Variants in PTP4A1 observed in about 807,000 individuals in gnomAD.
PTP4A1 encodes the protein protein tyrosine phosphatase 4A1.
A neutral mutation model predicts 20.5 loss-of-function variants in PTP4A1; 9 were observed. That is an observed-to-expected ratio of 0.44 (90% CI 0.26 to 0.77). PTP4A1 has a LOEUF of 0.77. PTP4A1 is among the 30% of genes least tolerant of loss of function. PTP4A1 has a pLI of 0.19. For synonymous variants in PTP4A1, 78 were observed against 67.4 expected, an observed-to-expected ratio of 1.16 and a Z score of -0.77; for missense variants, 137 against 218.8, an observed-to-expected ratio of 0.63 and a Z score of 2.36.
At chr6:63,541,682 G>A (rs1775979731) in intron 2 of PTP4A1, among the ~76,000 whole-genome samples, 1 of 152,064 alleles carries the variant, frequency 6.6e-6, no homozygotes. Flanking sequence ...CAAGCAATTA[G>A]AAGCAATCAG....
intron 2 of PTP4A1, among the ~76,000 whole-genome samples, chr6:63,542,720 T>C (rs1403289882): frequency 6.6e-6 from 1 of 152,200 alleles, no homozygotes; most frequent in African/African-American, 2.4e-5. Context: ...ACTGCTTTTT[T>C]GAAATCTCCT....
chr6:63,565,766 T>C lies in PTP4A1; in HGVS notation c.-445-10670T>C, dbSNP rs564779134. On this transcript the variant is annotated intron_variant, in intron 3 of 3. Transcript: ENST00000639568. ...TCTAAATTTCCCACAGAAATTAGGA[T>C]GTAGCTCTGCTACAGCATTTTGATT... is the stretch of plus-strand genomic sequence containing the variant. Among the ~76,000 whole-genome samples the C allele has an allele frequency of 1.1e-4, 17 of 152,358 alleles. No individual in the cohort carries two copies. The East Asian group carries it at 3.3e-3, about 29-fold the overall frequency.
Position 63,537,493 on chromosome 6 carries a change from C to T in PTP4A1, c.-640+9409C>T, listed in dbSNP as rs145720747. ...GTTTTGGCATCAATATGGTTCTCAA[C>T]GCTCCCAGTAGAGAACCATTGCCTT... On this transcript the variant is annotated intron_variant, in intron 2 of 3. Transcript: ENST00000639568. 1.4e-3 allele frequency among the ~76,000 whole-genome samples: 216 copies of T among 152,296 alleles called. 1 individual carries two copies. The highest frequency in any genetic ancestry group is 4.5e-3 in the African/African-American group (188 of 41,554).
upstream of PTP4A1, among the ~76,000 whole-genome samples, chr6:63,517,285 G>A (rs1482726616): frequency 6.6e-6 from 1 of 152,092 alleles, no homozygotes; most frequent in Non-Finnish European, 1.5e-5. Context: ...TTTCTCCTGA[G>A]AAGCAATTTT....
chr6:63,520,929 T>G (rs1035150703), upstream of PTP4A1, among the ~76,000 whole-genome samples: 3 of 152,140 alleles, frequency 2.0e-5, no homozygotes, highest in African/African-American at 7.2e-5. Flanking sequence ...TCATGTCCTT[T>G]GCAGGGACAT....
At chr6:63,521,326 G>A (rs1246309742), upstream of PTP4A1, among the ~76,000 whole-genome samples, 2 of 152,130 alleles carry the variant, frequency 1.3e-5, no homozygotes, top group East Asian at 3.8e-4. Flanking sequence ...TCGTATTCTA[G>A]CATAAAGTGA....
chr6:63,549,464 G>T, intron 2 of PTP4A1: 1 of 792,626 alleles, frequency 1.3e-6, no homozygotes, highest in East Asian at 2.5e-5. Flanking sequence ...ACGACAGCAG[G>T]GCCGGAGCCA....
chr6:63,554,614 A>G (rs1323129532), intron 3 of PTP4A1, among the ~76,000 whole-genome samples: 2 of 152,154 alleles, frequency 1.3e-5, no homozygotes, highest in Non-Finnish European at 2.9e-5. Context: ...CCTGGCCAAC[A>G]TGGTGAAACC....
At chr6:63,556,572 A>G (rs935490151) in intron 3 of PTP4A1, among the ~76,000 whole-genome samples, 5 of 152,156 alleles carry the variant, frequency 3.3e-5, no homozygotes, top group African/African-American at 1.2e-4. Flanking sequence ...TATGCCTCAT[A>G]ATGCATAATG....
At chr6:63,579,475 C>T in intron 5 of PTP4A1, 144 bp downstream of exon 5, 1 of 565,804 alleles carries the variant, frequency 1.8e-6, no homozygotes, top group Non-Finnish European at 2.9e-6. Flanking sequence ...ATCTTACATT[C>T]TTTTTTGCAT....
At chr6:63,558,339 A>C (rs949941697) in intron 3 of PTP4A1, among the ~76,000 whole-genome samples, 3 of 152,152 alleles carry the variant, frequency 2.0e-5, no homozygotes, top group Admixed American at 1.3e-4. Context: ...AAATGAACAA[A>C]TAAGGCTTTT....
intron 3 of PTP4A1, among the ~76,000 whole-genome samples, chr6:63,566,494 C>T (rs898171903): frequency 6.6e-6 from 1 of 152,142 alleles, no homozygotes; most frequent in Non-Finnish European, 1.5e-5. Context: ...CCTATGGCTA[C>T]AGCTGGCTGG....
chr6:63,528,064 A>G (rs1775264327), exon 2 of PTP4A1: 1 of 152,230 alleles, frequency 6.6e-6, no homozygotes, highest in Non-Finnish European at 1.5e-5. Flanking sequence ...CTATGGGAGA[A>G]GGAAGGCAGG....
chr6:63,535,433 A>C (rs1033375630), intron 2 of PTP4A1, among the ~76,000 whole-genome samples: 1 of 152,146 alleles, frequency 6.6e-6, no homozygotes, highest in African/African-American at 2.4e-5. Flanking sequence ...GCACCACTGC[A>C]CTCCAGCCTA....
At chr6:63,533,248 GGC>G (rs1775552934) in intron 2 of PTP4A1, among the ~76,000 whole-genome samples, 1 of 152,118 alleles carries the variant, frequency 6.6e-6, no homozygotes. Flanking sequence ...CAGATGTGGT[GGC>G]GCACACCTGT....
Position 63,572,527 on chromosome 6 carries a change from C to A in PTP4A1, c.-638C>A, listed in dbSNP as rs1050896905. On this transcript the variant is annotated 5_prime_UTR_variant, in exon 1 of 6. Coordinates refer to ENST00000626021, the MANE Select transcript of PTP4A1 (RefSeq NM_003463.5). ...CTTCGGCTGCGGGCCGGCTCGGCTA[C>A]GCGCTCTGCTCCGAGCCGCTCACTG... The A allele has an allele frequency of 1.8e-5, 7 of 392,202 alleles. No individual in the cohort carries two copies. Among genetic ancestry groups the A allele is most frequent in the African/African-American group, 1.2e-4 (6 of 48,222 alleles). 24.3% of individuals were successfully genotyped at this position (392,202 alleles called of 1,614,324 possible).
intron 3 of PTP4A1, among the ~76,000 whole-genome samples, chr6:63,556,415 A>G (rs535923034): frequency 6.6e-6 from 1 of 152,024 alleles, no homozygotes; most frequent in East Asian, 1.9e-4. Flanking sequence ...TCCTGGGCTC[A>G]AGTGATCCTT....
chr6:63,532,332 A>G (rs928376385), intron 2 of PTP4A1, among the ~76,000 whole-genome samples: 4 of 152,112 alleles, frequency 2.6e-5, no homozygotes, highest in South Asian at 2.1e-4. Flanking sequence ...ATCTTTTCCT[A>G]TAAGATTTTC....
At chr6:63,570,830 C>A (rs1364661824), upstream of PTP4A1, among the ~76,000 whole-genome samples, 1 of 152,118 alleles carries the variant, frequency 6.6e-6, no homozygotes, top group Non-Finnish European at 1.5e-5. Context: ...AATATTTCCC[C>A]CAGTGTGAAA....
Sources: allele counts gnomAD v4.1 joint callset (sites outside exome capture counted in the v4.1 genomes callset), GRCh38; gene constraint gnomAD v4.1.1; transcripts MANE v1.5; gene names NCBI Gene and HGNC (gene_info 2026-07-23, HGNC 2026-07-21).